The following MSN variants were observed in gnomAD, a reference collection of about 807,000 sequenced individuals.
The protein encoded by MSN is moesin.
Under a neutral mutation model 48.0 loss-of-function variants are expected in MSN, and 2 were observed. The observed-to-expected ratio is 0.04, with a 90% confidence interval of 0.02 to 0.13. MSN has a LOEUF of 0.13. Ranked by LOEUF, MSN falls within the 10% of genes least tolerant of loss-of-function variation. The pLI is 1.00. For missense variants in MSN, 267 were observed against 470.1 expected (o/e 0.57, Z 3.99); for synonymous variants, 146 against 166.9 (o/e 0.87, Z 0.97).
intron 1 of MSN, among the ~76,000 whole-genome samples, chrX:65,641,337 G>A (rs896226382): frequency 1.9e-5 from 2 of 103,557 alleles, no homozygotes; most frequent in African/African-American, 3.5e-5. Flanking sequence ...TGAGACCAGC[G>A]TGGCAAACAT....
chrX:65,725,636 A>G (rs748214361), intron 2 of MSN, among the ~76,000 whole-genome samples: 64 of 111,667 alleles, frequency 5.7e-4, no homozygotes, highest in African/African-American at 2.0e-3. Context: ...AAAAGCCAAT[A>G]TTACATTTCA....
chrX:65,698,943 G>A (rs1441534112), intron 1 of MSN, among the ~76,000 whole-genome samples: 2 of 111,563 alleles, frequency 1.8e-5, no homozygotes, highest in Non-Finnish European at 3.8e-5. Context: ...GTCCTATAAG[G>A]AATCAGTGGC....
intron 1 of MSN, among the ~76,000 whole-genome samples, chrX:65,683,765 T>C (rs953923995): frequency 2.7e-5 from 3 of 111,102 alleles, no homozygotes; most frequent in African/African-American, 9.8e-5. Flanking sequence ...GACTTTGTTT[T>C]ACAATTTTGG....
chrX:65,668,802 C>T (rs2070900896), intron 1 of MSN, among the ~76,000 whole-genome samples: 1 of 111,999 alleles, frequency 8.9e-6, no homozygotes, highest in South Asian at 3.7e-4. Flanking sequence ...TGAGGCCCTT[C>T]CCTTGCTCAG....
At chrX:65,650,788 A>G (rs1317889466) in intron 1 of MSN, among the ~76,000 whole-genome samples, 1 of 112,348 alleles carries the variant, frequency 8.9e-6, no homozygotes, top group Non-Finnish European at 1.9e-5. Context: ...TCAGAAGTTT[A>G]AAATGGTCAG....
At position 65,627,546 on chromosome X, in the gene MSN, C is replaced by T. The variant is rs143354841; in HGVS notation, c.-22+38934C>T. On this transcript the variant is annotated intron_variant, in intron 1 of 3. Transcript: ENST00000609672. ...GTCATGAAAATATCATGGGAATGAC[C>T]GGCCCCCATGATTCAATTACCTCCC... is the stretch of plus-strand genomic sequence containing the variant. Among the ~76,000 whole-genome samples the T allele has an allele frequency of 8.3e-3, 916 of 110,674 alleles. 10 individuals are homozygous for T. Among genetic ancestry groups the T allele is most frequent in the African/African-American group, 0.028 (866 of 30,460 alleles).
At chrX:65,621,069 C>A (rs1440714340) in intron 1 of MSN, among the ~76,000 whole-genome samples, 1 of 109,589 alleles carries the variant, frequency 9.1e-6, no homozygotes, top group Admixed American at 9.8e-5. Flanking sequence ...GTGTGTGCCA[C>A]CACGCCTGGC....
chrX:65,588,816 C>T (rs2148346565), intron 1 of MSN: 1 of 146,785 alleles, frequency 6.8e-6, no homozygotes, highest in East Asian at 1.2e-4. Context: ...TTCCTCTTGC[C>T]CTCTCTCCCT....
At chrX:65,735,151 T>A in intron 7 of MSN, 116 bp from the exon 8 acceptor site, 1 of 830,894 alleles carries the variant, frequency 1.2e-6, no homozygotes. Flanking sequence ...CCATCTGTAG[T>A]GCAGGAGGTC....
chrX:65,686,838 G>A (rs2071119722), intron 1 of MSN, among the ~76,000 whole-genome samples: 1 of 112,303 alleles, frequency 8.9e-6, no homozygotes, highest in Admixed American at 9.5e-5. Context: ...GCTCAGAGAA[G>A]TTTAAATCAT....
chrX:65,599,520 C>G, intron 1 of MSN, among the ~76,000 whole-genome samples: 1 of 111,945 alleles, frequency 8.9e-6, no homozygotes, highest in Non-Finnish European at 1.9e-5. Flanking sequence ...GTAGTCCCAA[C>G]TACTCGGTAG....
intron 1 of MSN, among the ~76,000 whole-genome samples, chrX:65,636,169 G>T (rs897273582): frequency 1.8e-5 from 2 of 111,195 alleles, no homozygotes; most frequent in African/African-American, 6.5e-5. Context: ...TTTCGGGTGG[G>T]GTGCAGGGGA....
At chrX:65,625,749 A>G (rs2070498657) in intron 1 of MSN, 1 of 111,439 alleles carries the variant, frequency 9.0e-6, no homozygotes, top group African/African-American at 3.3e-5. Context: ...TGGATGATTT[A>G]ATCAATTTAC....
chrX:65,731,237 A>G (rs779259808), intron 5 of MSN, 47 bp downstream of exon 5: 1 of 1,009,144 alleles, frequency 9.9e-7, no homozygotes. Context: ...TTACAGGGTG[A>G]ATGAGAATGC....
intron 1 of MSN, among the ~76,000 whole-genome samples, chrX:65,620,700 G>C (rs924501695): frequency 2.7e-5 from 3 of 111,660 alleles, no homozygotes; most frequent in Non-Finnish European, 5.7e-5. Flanking sequence ...CTGTAGACCG[G>C]AGCTGCTCCT....
At chrX:65,685,731 G>A (rs1329435532) in intron 1 of MSN, among the ~76,000 whole-genome samples, 1 of 111,835 alleles carries the variant, frequency 8.9e-6, no homozygotes, top group African/African-American at 3.2e-5. Context: ...AAGTATAGGC[G>A]TGCACCACTG....
intron 5 of MSN, among the ~76,000 whole-genome samples, 168 bp downstream of exon 5, chrX:65,731,358 C>CTTGT (rs760239944): frequency 8.9e-6 from 1 of 112,111 alleles, no homozygotes; most frequent in African/African-American, 3.2e-5. Flanking sequence ...TTTTTGTTTG[C>CTTGT]TTGTTTGTTT....
At chrX:65,652,707 C>G (rs2070751323) in intron 1 of MSN, among the ~76,000 whole-genome samples, 1 of 111,995 alleles carries the variant, frequency 8.9e-6, no homozygotes, top group Non-Finnish European at 1.9e-5. Context: ...GCTCTTGAGT[C>G]TGGAGACCCA....
intron 1 of MSN, among the ~76,000 whole-genome samples, chrX:65,698,542 C>T (rs192771935): frequency 8.4e-4 from 94 of 112,519 alleles, no homozygotes; most frequent in African/African-American, 1.1e-3. Context: ...GTTCAACTTC[C>T]TTTCAGGCCC....
Sources: gnomAD v4.1 joint callset for allele counts (sites outside exome capture counted in the v4.1 genomes callset) on GRCh38, gnomAD v4.1.1 for gene constraint, MANE v1.5 for transcripts, NCBI Gene and HGNC (gene_info 2026-07-23, HGNC 2026-07-21) for gene names.